The following APOL5 variants were observed in gnomAD, a reference collection of about 807,000 sequenced individuals.
The protein encoded by APOL5 is apolipoprotein L, 5.
Under a neutral mutation model 35.5 loss-of-function variants are expected in APOL5, and 29 were observed. The observed-to-expected ratio is 0.82, with a 90% confidence interval of 0.61 to 1.11. APOL5 has a LOEUF of 1.11. Ranked by LOEUF, APOL5 falls within the 50% of genes most tolerant of loss-of-function variation. APOL5 has a pLI of 0.00. For missense variants in APOL5, 514 were observed against 530.4 expected, an observed-to-expected ratio of 0.97 and a Z score of 0.30; for synonymous variants, 188 against 200.2, an observed-to-expected ratio of 0.94 and a Z score of 0.51.
At chr22:35,717,761 A>T, upstream of APOL5, 1 of 431,958 alleles carries the variant, frequency 2.3e-6, no homozygotes, top group Non-Finnish European at 3.4e-6. Flanking sequence ...AAAGAAAGAA[A>T]AGAAAAGAAA....
In APOL5 at chr22:35,723,794, G is replaced by A. The variant is rs540191034; in HGVS notation, c.143-2417G>A. On this transcript the variant is annotated intron_variant, in intron 2 of 4. Transcript: ENST00000249044. ...CTGGCCAACATGGCAAAACCCTGTC[G>A]CTACTAAAAACACAAAAATTAGCCC... Among the ~76,000 whole-genome samples, 22 of 152,218 alleles carry A rather than the reference G, an allele frequency of 1.4e-4. No homozygotes were observed. In the East Asian group the frequency reaches 3.9e-3, roughly 27 times the overall value.
chr22:35,710,982 C>T, the APOL5 span, among the ~76,000 whole-genome samples: 6 of 152,316 alleles, frequency 3.9e-5, no homozygotes, highest in East Asian at 1.9e-4. Context: ...GACTGGCCAA[C>T]GTGGTGAAAC....
chr22:35,710,688 A>G, the APOL5 span, among the ~76,000 whole-genome samples: 3 of 152,226 alleles, frequency 2.0e-5, no homozygotes, highest in Admixed American at 2.0e-4. Context: ...TGCCCCAAGT[A>G]AACAATAACT....
intron 2 of APOL5, 76 bp downstream of exon 2, chr22:35,720,730 C>A: frequency 9.4e-7 from 1 of 1,059,776 alleles, no homozygotes; most frequent in Non-Finnish European, 1.4e-6. Flanking sequence ...ACAGACCCAG[C>A]ACTCAATGAG....
chr22:35,710,376 A>G, the APOL5 span, among the ~76,000 whole-genome samples: 1 of 150,608 alleles, frequency 6.6e-6, no homozygotes, highest in Non-Finnish European at 1.5e-5. Flanking sequence ...TTCTGGGCTC[A>G]AGTGATCCTC....
intron 1 of APOL5, among the ~76,000 whole-genome samples, chr22:35,718,796 G>A (rs2145996744): frequency 6.6e-6 from 1 of 152,214 alleles, no homozygotes; most frequent in South Asian, 2.1e-4. Context: ...AGCGGCTCAT[G>A]CCTGTAATCC....
At chr22:35,712,240 C>T in the APOL5 span, among the ~76,000 whole-genome samples, 4 of 152,162 alleles carry the variant, frequency 2.6e-5, no homozygotes, top group Admixed American at 2.0e-4. Context: ...AACTCCTGGA[C>T]TCAAATGATC....
At chr22:35,710,436 C>A in the APOL5 span, among the ~76,000 whole-genome samples, 1 of 151,492 alleles carries the variant, frequency 6.6e-6, no homozygotes, top group Admixed American at 6.6e-5. Flanking sequence ...GCCACCTCAC[C>A]CAACCCCTTT....
At chr22:35,721,904 C>T (rs963577568) in intron 2 of APOL5, among the ~76,000 whole-genome samples, 24 of 152,204 alleles carry the variant, frequency 1.6e-4, no homozygotes, top group African/African-American at 4.6e-4. Context: ...GCAATGCTCC[C>T]GCAATTTATA....
At chr22:35,717,235 A>ATATAT (rs1555930035), upstream of APOL5, among the ~76,000 whole-genome samples, 1,100 of 57,636 alleles carry the variant, frequency 0.019, 39 homozygotes, top group Admixed American at 0.057. Flanking sequence ...AAAAAAAAAA[A>ATATAT]ATATATATAT....
At chr22:35,724,131 A>G (rs1249660016) in intron 2 of APOL5, among the ~76,000 whole-genome samples, 1 of 151,298 alleles carries the variant, frequency 6.6e-6, no homozygotes, top group African/African-American at 2.4e-5. Flanking sequence ...TCATACATGC[A>G]TTTGACACAA....
upstream of APOL5, among the ~76,000 whole-genome samples, chr22:35,716,979 C>T (rs981607008): frequency 1.1e-5 from 1 of 91,062 alleles, no homozygotes; most frequent in Non-Finnish European, 2.2e-5. Context: ...GGATGAACAT[C>T]CATACACGTT....
At chr22:35,727,613 G>A (rs1341995053) in intron 3 of APOL5, among the ~76,000 whole-genome samples, 1 of 152,110 alleles carries the variant, frequency 6.6e-6, no homozygotes. Context: ...CTGGGTAGAG[G>A]CCACAAGATC....
At chr22:35,726,166 C>A (rs376379715) in intron 2 of APOL5, 45 bp from the exon 3 acceptor site, 129 of 1,574,832 alleles carry the variant, frequency 8.2e-5, no homozygotes, top group Non-Finnish European at 1.1e-4. Flanking sequence ...CAGGGCTCTG[C>A]CTCCTGCACA....
At chr22:35,717,235 A>AAAAAAAAAATATAT, upstream of APOL5, among the ~76,000 whole-genome samples, 1 of 57,662 alleles carries the variant, frequency 1.7e-5, no homozygotes, top group African/African-American at 8.0e-5. Context: ...AAAAAAAAAA[A>AAAAAAAAAATATAT]ATATATATAT....
At chr22:35,714,951 G>A (rs758460137), upstream of APOL5, among the ~76,000 whole-genome samples, 4 of 152,184 alleles carry the variant, frequency 2.6e-5, no homozygotes, top group East Asian at 1.9e-4. Flanking sequence ...GTTCTTTCTC[G>A]CTCTCAGTGT....
chr22:35,716,165 C>A (rs1926737708), upstream of APOL5, among the ~76,000 whole-genome samples: 1 of 152,184 alleles, frequency 6.6e-6, no homozygotes, highest in Non-Finnish European at 1.5e-5. Context: ...TTTGTCTTAC[C>A]ATGTACTTGG....
At chr22:35,712,583 T>A in the APOL5 span, among the ~76,000 whole-genome samples, 1 of 152,208 alleles carries the variant, frequency 6.6e-6, no homozygotes, top group Non-Finnish European at 1.5e-5. Flanking sequence ...CACATGCTTA[T>A]TGGCACATAT....
At chr22:35,718,215 G>A (rs1410384702) in intron 1 of APOL5, among the ~76,000 whole-genome samples, 5 of 152,206 alleles carry the variant, frequency 3.3e-5, no homozygotes, top group African/African-American at 1.2e-4. Context: ...CAGTGTGGCA[G>A]CGGGGAAGGG....
Sources: gnomAD v4.1 joint callset for allele counts (sites outside exome capture counted in the v4.1 genomes callset) on GRCh38, gnomAD v4.1.1 for gene constraint, MANE v1.5 for transcripts, NCBI Gene and HGNC (gene_info 2026-07-23, HGNC 2026-07-21) for gene names.